LRRC71: variants seen among roughly 807,000 people sequenced by gnomAD.
LRRC71 encodes the protein leucine-rich repeat-containing protein 71.
A neutral mutation model predicts 66.6 loss-of-function variants in LRRC71; 54 were observed. The ratio of observed to expected loss-of-function variants is 0.81; its 90% confidence interval spans 0.65 to 1.02. The LOEUF (loss-of-function observed/expected upper bound fraction) is 1.02. Among genes scored for constraint, LRRC71 ranks in the 50% least tolerant of loss-of-function variants. The pLI, the probability that LRRC71 is intolerant of heterozygous loss-of-function variation, is 0.00. For missense variants in LRRC71, 724 were observed against 718.0 expected, an observed-to-expected ratio of 1.01 and a Z score of -0.10; for synonymous variants, 323 against 303.9, an observed-to-expected ratio of 1.06 and a Z score of -0.65.
intron 9 of LRRC71, among the ~76,000 whole-genome samples, chr1:156,928,363 C>CTCCTCTTCTTCTTCTTCT (rs1440279180): frequency 5.9e-4 from 58 of 98,820 alleles, no homozygotes; most frequent in South Asian, 3.9e-3. Flanking sequence ...CTTCTTCTTC[C>CTCCTCTTCTTCTTCTTCT]TCTTCTTCTT....
Position 156,927,748 on chromosome 1 carries a change from C to G in LRRC71, c.838C>G (p.Arg280Gly), listed in dbSNP as rs1331369414. 1 of 1,610,392 alleles carries G rather than the reference C, an allele frequency of 6.2e-7. No homozygotes were observed. The highest frequency in any genetic ancestry group is 2.2e-5 in the East Asian group (1 of 44,878). ...GYIADGLRLNRSLLWLSLAHN... is the reference protein window; with the variant it reads ...GYIADGLRLNGSLLWLSLAHN... ...CGCCTCTTAGGGCCTCCGGCTGAAC[C>G]GTTCCCTGCTCTGGCTGTCCCTGGC... Residue 280 changes from arginine to glycine, a missense_variant, in exon 8 of 15, where the codon CGT becomes GGT. Physicochemically the swap from Arg to Gly is moderately radical, Grantham distance 125. Transcript: ENST00000337428.
chr1:156,930,099 C>CTCTT (rs1553189756), intron 11 of LRRC71, among the ~76,000 whole-genome samples: 89 of 113,154 alleles, frequency 7.9e-4, no homozygotes, highest in African/African-American at 3.0e-3. Context: ...CTTTCTCTCT[C>CTCTT]TTTTTTTTTT....
At chr1:156,923,901 C>T (rs930952664) in intron 1 of LRRC71, 48 bp from the exon 2 acceptor site, 2 of 1,418,370 alleles carry the variant, frequency 1.4e-6, no homozygotes, top group African/African-American at 3.0e-5. Flanking sequence ...CTTGGGGATG[C>T]GGGGGTGGGC....
chr1:156,932,609 A>G, intron 14 of LRRC71, 64 bp downstream of exon 14: 1 of 1,613,880 alleles, frequency 6.2e-7, no homozygotes, highest in Non-Finnish European at 8.5e-7. Context: ...CATACTAGAC[A>G]GCTGCTGCAG....
At chr1:156,940,437 G>A in the LRRC71 span, 2 of 1,591,126 alleles carry the variant, frequency 1.3e-6, no homozygotes, top group South Asian at 1.1e-5. Context: ...TGTTTCGGAT[G>A]AGAGAAGATT....
At chr1:156,924,355 C>T (rs1210060222) in intron 2 of LRRC71, 69 bp from the exon 3 acceptor site, 13 of 1,516,832 alleles carry the variant, frequency 8.6e-6, no homozygotes, top group African/African-American at 4.1e-5. Flanking sequence ...CACCCGGGCA[C>T]CCGTGGGCCG....
intron 11 of LRRC71, among the ~76,000 whole-genome samples, chr1:156,930,072 C>CTTTCTTTTTCTTTCTTTCT (rs1403342592): frequency 8.7e-6 from 1 of 115,248 alleles, no homozygotes; most frequent in Admixed American, 9.7e-5. Flanking sequence ...TTCTTTCTTT[C>CTTTCTTTTTCTTTCTTTCT]TTTCTTTTCT....
rs182507286 is a variant in LRRC71 at position 156,920,642 on chromosome 1, A to C, written c.-162A>C. 1.6e-5 allele frequency: 14 copies of C among 891,062 alleles called. No homozygotes were observed. In the East Asian group the frequency reaches 4.6e-4, roughly 29 times the overall value. 55.2% of individuals were successfully genotyped at this position (891,062 alleles called of 1,614,324 possible). A position where few individuals can be genotyped will look rare whatever the true frequency, so the allele number is the denominator to read the frequency against. On this transcript the variant is annotated 5_prime_UTR_variant, in exon 1 of 15. Transcript: ENST00000337428. The surrounding 1 kb of genome is among the most constrained non-coding windows in gnomAD (Gnocchi z 4.9). ...CGCCCGCCTCGCGCGGTTGTCTTGG[A>C]GAGGGACGCGTAGGCTACGCCACCG...
In LRRC71 at chr1:156,924,628, C is replaced by G; in HGVS notation, c.440-15C>G. 6.4e-7 allele frequency: 1 copy of G among 1,551,312 alleles called. No individual in the cohort carries two copies. Among genetic ancestry groups the G allele is most frequent in the Non-Finnish European group, 8.7e-7 (1 of 1,146,782 alleles). ...CCTCCCAGGTCTGAGGCACCTGCCTCCTCTTGGCCCGCAGGTTGGAAGGTT... is the reference window on the plus strand; with the variant it reads ...CCTCCCAGGTCTGAGGCACCTGCCTGCTCTTGGCCCGCAGGTTGGAAGGTT... On this transcript the variant is annotated splice_polypyrimidine_tract_variant and intron_variant, in intron 3 of 14. Coordinates refer to ENST00000337428, the MANE Select transcript of LRRC71 (RefSeq NM_144702.3).
Position 156,927,716 on chromosome 1 carries a change from C to T in LRRC71, c.823-17C>T. 1 of 1,607,132 alleles carries T rather than the reference C, an allele frequency of 6.2e-7. No homozygotes were observed. Among genetic ancestry groups the T allele is most frequent in the Non-Finnish European group, 8.5e-7 (1 of 1,179,456 alleles). On this transcript the variant is annotated splice_polypyrimidine_tract_variant and intron_variant, in intron 7 of 14. Transcript: ENST00000337428. ...GGGGCGGCTTGGGCGGCTCACGCGT[C>T]CCTGCCCGCCTCTTAGGGCCTCCGG...
In LRRC71 at chr1:156,927,651, CG is replaced by C; in HGVS notation, c.820del (p.Asp274ThrfsTer5). ...GGTGACGAGGGCGCAGGCTACATCG[CG>C]GACGTGAGTGCACGGCGGGGAGGGA... ...HIGDEGAGYI[A>X]DGLRLNRSLL... On this transcript the variant is annotated frameshift_variant, in exon 7 of 15. Coordinates refer to ENST00000337428, the MANE Select transcript of LRRC71 (RefSeq NM_144702.3). LOFTEE classifies it high-confidence loss of function. 1 of 1,606,506 alleles carries C rather than the reference CG, an allele frequency of 6.2e-7. No homozygotes were observed. Among genetic ancestry groups the C allele is most frequent in the African/African-American group, 1.3e-5 (1 of 74,974 alleles).
chr1:156,927,792 C>G lies in LRRC71; in HGVS notation c.882C>G (p.Asp294Glu). Residue 294 changes from aspartate (D) to glutamate (E), a missense_variant, in exon 8 of 15, where the codon GAC becomes GAG. Transcript: ENST00000337428. ...WLSLAHNRIQ[D>E]KGALKLAEVL... ...CCCTGGCCCACAACCGCATCCAGGA[C>G]AAGGGCGCCCTGAAGCTGGCTGAGG... The G allele has an allele frequency of 1.2e-6, 2 of 1,613,182 alleles. No homozygotes were observed. Among genetic ancestry groups the G allele is most frequent in the Non-Finnish European group, 1.7e-6 (2 of 1,179,754 alleles).
At chr1:156,933,913 G>C (rs1016777399), downstream of LRRC71, among the ~76,000 whole-genome samples, 3 of 152,158 alleles carry the variant, frequency 2.0e-5, no homozygotes, top group Non-Finnish European at 4.4e-5. Context: ...CCCTTGTCCT[G>C]CTGTCTTACT....
rs1328569858 is a variant in LRRC71, at chr1:156,927,795, G to A, written c.885G>A (p.Lys295=). The change falls in exon 8 of 15, where the codon AAG becomes AAA. Residue 295 remains lysine (K), a synonymous_variant. Transcript: ENST00000337428. ...TGGCCCACAACCGCATCCAGGACAA[G>A]GGCGCCCTGAAGCTGGCTGAGGTGG... ...LSLAHNRIQD[K]GALKLAEVLR... 3 of 1,613,068 alleles carry A rather than the reference G, an allele frequency of 1.9e-6. No individual in the cohort carries two copies. Among genetic ancestry groups the A allele is most frequent in the African/African-American group, 1.3e-5 (1 of 74,926 alleles).
At chr1:156,927,129 A>G in intron 5 of LRRC71, 73 bp from the exon 6 acceptor site, 1 of 1,335,082 alleles carries the variant, frequency 7.5e-7, no homozygotes, top group Admixed American at 2.0e-5. Flanking sequence ...AGAGACGCAC[A>G]CTTCCTCTCT....
At chr1:156,939,549 T>C in the LRRC71 span, 1 of 1,610,448 alleles carries the variant, frequency 6.2e-7, no homozygotes, top group Non-Finnish European at 8.5e-7. Context: ...TTATTTTACC[T>C]TTTCTCACAA....
chr1:156,937,566 G>A, downstream of LRRC71: 1 of 1,473,020 alleles, frequency 6.8e-7, no homozygotes, highest in Non-Finnish European at 9.1e-7. Context: ...CCGTTCCTGT[G>A]GGATTCCCCA....
chr1:156,936,223 TCCACTTTCATCAGCGCCTAAAGCC>T (rs1475181300), downstream of LRRC71: 1 of 802,066 alleles, frequency 1.2e-6, no homozygotes, highest in Non-Finnish European at 2.3e-6. Flanking sequence ...TCTACTGAAC[TCCACTTTCATCAGCGCCTAAAGCC>T]CTTAGGTCAG....
chr1:156,938,383 TG>T, the LRRC71 span: 1 of 1,598,568 alleles, frequency 6.3e-7, no homozygotes, highest in Non-Finnish European at 8.6e-7. Context: ...ACTCCAGTCT[TG>T]GCCTGTCTTT....
Sources: gnomAD v4.1 joint callset for allele counts (sites outside exome capture counted in the v4.1 genomes callset) on GRCh38, gnomAD v4.1.1 for gene constraint, Gnocchi (gnomAD v3.1) non-coding constraint, MANE v1.5 for transcripts, NCBI Gene and HGNC (gene_info 2026-07-23, HGNC 2026-07-21) for gene names.